Variants in OTUD7A observed in about 807,000 individuals in gnomAD.
OTUD7A encodes OTU domain-containing protein 7A.
In OTUD7A, 12 loss-of-function variants were observed where a neutral mutation model predicts 65.7. The ratio of observed to expected loss-of-function variants is 0.18; its 90% CI spans 0.12 to 0.30. OTUD7A has a LOEUF of 0.30. OTUD7A is among the 10% of genes least tolerant of loss of function. The probability of loss-of-function intolerance (pLI) is 1.00; values close to 1 mark genes in which losing one functional copy is unlikely to be tolerated. For missense variants in OTUD7A, 1,148 were observed against 1,304.8 expected (o/e 0.88, Z 1.85); for synonymous variants, 641 against 586.3 (o/e 1.09, Z -1.35).
intron 3 of OTUD7A, among the ~76,000 whole-genome samples, chr15:31,582,914 T>C (rs895945719): frequency 2.6e-5 from 4 of 152,194 alleles, no homozygotes; most frequent in African/African-American, 9.7e-5. Context: ...GTTCATGATC[T>C]ACTTGGCTGG....
Position 31,480,346 on chromosome 15 carries a change from C to T in OTUD7A, c.*2948G>A, listed in dbSNP as rs2041098775. 2 of 152,188 alleles carry T rather than the reference C, an allele frequency of 1.3e-5. No homozygotes were observed. The highest frequency in any genetic ancestry group is 6.5e-5 in the Admixed American group (1 of 15,284). 9.4% of individuals were successfully genotyped at this position (152,188 alleles called of 1,614,324 possible). ...AAGTAAATTTCTGAAATAACCTTCG[C>T]AGGGGTTTAGAAGTATCTGGGATCC... is the stretch of plus-strand genomic sequence containing the variant. On this transcript the variant is annotated 3_prime_UTR_variant, in exon 13 of 13. Coordinates refer to ENST00000307050, the MANE Select transcript of OTUD7A (RefSeq NM_001382637.1).
chr15:31,681,926 A>C (rs73376570), intron 1 of OTUD7A, among the ~76,000 whole-genome samples: 8,823 of 151,884 alleles, frequency 0.058, 851 homozygotes, highest in African/African-American at 0.2. Flanking sequence ...CAAATTAATG[A>C]GGCAGTTATA....
In OTUD7A at chr15:31,623,821, T is replaced by C. The variant is rs146164243; in HGVS notation, c.151+31275A>G. On this transcript the variant is annotated intron_variant, in intron 3 of 12. Transcript: ENST00000307050. ...CAGTGAGATGAACCCGGTACCTCAG[T>C]TGGAAATGCAGAAATCACCTGTCTT... is the stretch of plus-strand genomic sequence containing the variant. Among the ~76,000 whole-genome samples the C allele has an allele frequency of 3.3e-3, 499 of 152,298 alleles. 1 individual carries two copies. The highest frequency in any genetic ancestry group is 0.011 in the African/African-American group (478 of 41,570).
intron 5 of OTUD7A, among the ~76,000 whole-genome samples, chr15:31,545,383 G>A (rs1888099021): frequency 6.6e-6 from 1 of 151,938 alleles, no homozygotes; most frequent in South Asian, 2.1e-4. Context: ...CTGAAATAGA[G>A]GCTCTCAAGT....
intron 5 of OTUD7A, 87 bp downstream of exon 5, chr15:31,558,882 G>T: frequency 7.2e-7 from 1 of 1,389,420 alleles, no homozygotes; most frequent in Non-Finnish European, 1.0e-6. Flanking sequence ...GAGAACATGT[G>T]CCCTTCTCTT....
chr15:31,740,541 G>A (rs1459720716), intron 1 of OTUD7A, among the ~76,000 whole-genome samples: 1 of 152,116 alleles, frequency 6.6e-6, no homozygotes, highest in Non-Finnish European at 1.5e-5. Flanking sequence ...GACGGCTGCC[G>A]TGGGGGTGAG....
intron 1 of OTUD7A, among the ~76,000 whole-genome samples, chr15:31,721,961 G>GCTGC (rs1242297985): frequency 6.6e-6 from 1 of 152,206 alleles, no homozygotes; most frequent in African/African-American, 2.4e-5. Flanking sequence ...ATAAAACTCT[G>GCTGC]CTGCCTGCCT....
chr15:31,596,033 T>C (rs1183593089), intron 3 of OTUD7A, among the ~76,000 whole-genome samples: 1 of 152,118 alleles, frequency 6.6e-6, no homozygotes, highest in Non-Finnish European at 1.5e-5. Context: ...GATATTACCT[T>C]GGGCCCACCT....
intron 1 of OTUD7A, among the ~76,000 whole-genome samples, chr15:31,755,591 G>A (rs551335104): frequency 2.5e-4 from 38 of 152,132 alleles, no homozygotes; most frequent in Admixed American, 4.6e-4. Context: ...GCGTGCTGGC[G>A]GGCGCCTGTA....
chr15:31,658,571 C>T (rs1186049599), intron 1 of OTUD7A, among the ~76,000 whole-genome samples: 2 of 152,140 alleles, frequency 1.3e-5, no homozygotes, highest in Admixed American at 1.3e-4. Context: ...AGGATCTCCC[C>T]AGTAAGCAGA....
chr15:31,701,601 C>T (rs1893215540), intron 1 of OTUD7A, among the ~76,000 whole-genome samples: 1 of 150,784 alleles, frequency 6.6e-6, no homozygotes, highest in Admixed American at 6.6e-5. Context: ...CTTAATTAAT[C>T]TAATATGAAA....
chr15:31,635,274 G>A (rs1170867698), intron 3 of OTUD7A, among the ~76,000 whole-genome samples: 1 of 152,116 alleles, frequency 6.6e-6, no homozygotes, highest in Admixed American at 6.6e-5. Flanking sequence ...TACTAAATAC[G>A]GCACTACCTT....
chr15:31,822,824 C>T (rs1896717734), intron 1 of OTUD7A, among the ~76,000 whole-genome samples: 1 of 152,200 alleles, frequency 6.6e-6, no homozygotes, highest in African/African-American at 2.4e-5. Context: ...TTTGTATAGA[C>T]TTGACCTCAA....
chr15:31,641,973 G>A (rs1193751855), intron 3 of OTUD7A, among the ~76,000 whole-genome samples: 10 of 152,184 alleles, frequency 6.6e-5, no homozygotes, highest in Admixed American at 5.9e-4. Context: ...GTGAAAGGGC[G>A]CATTCTTATC....
intron 3 of OTUD7A, among the ~76,000 whole-genome samples, chr15:31,632,836 C>T (rs1365483533): frequency 6.6e-6 from 1 of 152,260 alleles, no homozygotes; most frequent in Non-Finnish European, 1.5e-5. Context: ...GGCGCCCCTC[C>T]CCCAGCCTCA....
rs141558184 is a variant in OTUD7A at position 31,656,680 on chromosome 15, G to T, written c.-5+303C>A. ...ACAGTAACCCACTGGGATGGGTGCT[G>T]CTTGGTGGAGTAGGTCCTGTGTCAG... On this transcript the variant is annotated intron_variant, in intron 2 of 12. Transcript: ENST00000307050. Among the ~76,000 whole-genome samples the T allele has an allele frequency of 2.6e-3, 396 of 152,210 alleles. 2 individuals are homozygous for T. Among genetic ancestry groups the T allele is most frequent in the Middle Eastern group, 0.017 (5 of 294 alleles).
intron 3 of OTUD7A, among the ~76,000 whole-genome samples, chr15:31,580,808 G>T (rs1889348862): frequency 6.6e-6 from 1 of 152,028 alleles, no homozygotes; most frequent in South Asian, 2.1e-4. Context: ...TGACACATGG[G>T]GATTATTACA....
chr15:31,811,392 G>T (rs1472075662), intron 1 of OTUD7A, among the ~76,000 whole-genome samples: 2 of 151,776 alleles, frequency 1.3e-5, no homozygotes, highest in African/African-American at 2.4e-5. Flanking sequence ...TGCATGTGTG[G>T]GGGGGTATGA....
intron 3 of OTUD7A, among the ~76,000 whole-genome samples, chr15:31,614,273 C>T (rs974671126): frequency 6.6e-6 from 1 of 151,552 alleles, no homozygotes; most frequent in Non-Finnish European, 1.5e-5. Context: ...TAACCGAACA[C>T]GACCTGCACC....
Sources: gnomAD v4.1 joint callset for allele counts (sites outside exome capture counted in the v4.1 genomes callset) on GRCh38, gnomAD v4.1.1 for gene constraint, MANE v1.5 for transcripts, NCBI Gene and HGNC (gene_info 2026-07-23, HGNC 2026-07-21) for gene names.